Variants in FAIM observed in about 807,000 individuals in gnomAD.
FAIM encodes Fas apoptotic inhibitory molecule, also known as fas apoptotic inhibitory molecule 1.
FAIM carries 14 observed loss-of-function variants against 21.2 expected under a neutral mutation model. The observed-to-expected ratio is 0.66, with a 90% CI of 0.44 to 1.03. The LOEUF is 1.03. Among genes scored for constraint, FAIM ranks in the 50% least tolerant of loss-of-function variants. FAIM has a pLI of 0.00. For synonymous variants in FAIM, 86 were observed against 80.4 expected (o/e 1.07, Z -0.37); for missense variants, 222 against 247.1 (o/e 0.90, Z 0.68).
Position 138,622,213 on chromosome 3 carries a change from T to A in FAIM, c.203T>A (p.Phe68Tyr), listed in dbSNP as rs529995422. Reference sequence around the variant, plus strand: ...GAAGAGATAAGAAAAGAGTGGATGTTCAAATTAGTGGGCAAAGAAACATTC... The same window carrying A: ...GAAGAGATAAGAAAAGAGTGGATGTACAAATTAGTGGGCAAAGAAACATTC... ...GKEEIRKEWM[F>Y]KLVGKETFYV... is the part of the protein sequence containing the mutation. Residue 68 changes from phenylalanine to tyrosine, a missense_variant, in exon 4 of 6, where the codon TTC becomes TAC. Coordinates refer to ENST00000360570, the MANE Select transcript of FAIM (RefSeq NM_001033031.2). 6.5e-5 allele frequency: 105 copies of A among 1,611,408 alleles called. 2 individuals carry two copies. The South Asian group carries it at 1.0e-3, about 16-fold the overall frequency.
intron 5 of FAIM, chr3:138,631,035 G>A (rs1244642672): frequency 1.3e-5 from 2 of 151,934 alleles, no homozygotes; most frequent in Non-Finnish European, 2.9e-5. Flanking sequence ...TACTCAGGAG[G>A]CTGAGGTGGA....
Position 138,621,201 on chromosome 3 carries a change from C to T in FAIM, c.45-206C>T. On this transcript the variant is annotated intron_variant, in intron 2 of 5. Transcript: ENST00000360570. ...TTTTAGAAGTAATCGGACTATGTAC[C>T]CATATATAGTAGTTGTATCTTAAAG... 5.4e-6 allele frequency: 3 copies of T among 553,310 alleles called. No homozygotes were observed. The South Asian group carries it at 6.6e-5, about 12-fold the overall frequency. The allele number at this position is 553,310 out of a possible 1,614,324, so 34.3% of individuals were successfully genotyped here. A position where few individuals can be genotyped will look rare whatever the true frequency, so the allele number is the denominator to read the frequency against.
intron 4 of FAIM, among the ~76,000 whole-genome samples, chr3:138,626,066 C>T (rs2042936066): frequency 6.6e-6 from 1 of 152,158 alleles, no homozygotes; most frequent in Non-Finnish European, 1.5e-5. Context: ...AAAAGTTTCT[C>T]TTTGATAGCA....
At chr3:138,624,675 A>G (rs555125574) in intron 4 of FAIM, among the ~76,000 whole-genome samples, 1 of 152,194 alleles carries the variant, frequency 6.6e-6, no homozygotes, top group African/African-American at 2.4e-5. Flanking sequence ...CATTTTACAG[A>G]TTAGTTATGA....
intron 1 of FAIM, among the ~76,000 whole-genome samples, chr3:138,616,126 C>T (rs960645462): frequency 1.3e-5 from 2 of 152,076 alleles, no homozygotes; most frequent in Admixed American, 6.6e-5. Flanking sequence ...TACTGATTTC[C>T]CCGTAATGAA....
intron 4 of FAIM, 45 bp downstream of exon 4, chr3:138,622,461 A>G: frequency 8.2e-7 from 1 of 1,216,646 alleles, no homozygotes; most frequent in Middle Eastern, 2.2e-4. Context: ...TTTTTTTATA[A>G]TGTCTGTTTA....
chr3:138,609,533 A>ACACTCTCT (rs1285258999), intron 1 of FAIM, among the ~76,000 whole-genome samples: 1 of 3,368 alleles, frequency 3.0e-4, no homozygotes, highest in East Asian at 0.011. Flanking sequence ...AAGTGCTGAA[A>ACACTCTCT]CTCTCTCTCT....
chr3:138,621,969 A>G (rs1385524139), intron 3 of FAIM, among the ~76,000 whole-genome samples: 1 of 151,988 alleles, frequency 6.6e-6, no homozygotes, highest in Non-Finnish European at 1.5e-5. Context: ...TTTTTAGTAG[A>G]GACGGGGTTT....
intron 1 of FAIM, among the ~76,000 whole-genome samples, chr3:138,615,042 T>C (rs1174247687): frequency 6.6e-6 from 1 of 152,212 alleles, no homozygotes; most frequent in Non-Finnish European, 1.5e-5. Context: ...TGAAAATGGA[T>C]TTAGTACACC....
intron 2 of FAIM, among the ~76,000 whole-genome samples, chr3:138,620,968 T>C (rs2042878461): frequency 6.6e-6 from 1 of 152,222 alleles, no homozygotes; most frequent in Non-Finnish European, 1.5e-5. Context: ...AGTTTAAGTA[T>C]GGGAGGTTTG....
In FAIM at chr3:138,621,485, C is replaced by T. The variant is rs148507350; in HGVS notation, c.123C>T (p.Ile41=). The stretch of plus-strand genomic sequence containing the variant: ...CTTTAAGTGACGGAGTCCACAAGAT[C>T]GAATTTGAACATGGGACTACATCAG... The part of the protein sequence containing the change: ...DVALSDGVHK[I]EFEHGTTSGK... The change falls in exon 3 of 6, where the codon ATC becomes ATT. Residue 41 remains isoleucine (I), a synonymous_variant. Coordinates refer to ENST00000360570, the MANE Select transcript of FAIM (RefSeq NM_001033031.2). 4 of 1,613,590 alleles carry T rather than the reference C, an allele frequency of 2.5e-6. No individual in the cohort carries two copies. The highest frequency in any genetic ancestry group is 3.4e-6 in the Non-Finnish European group (4 of 1,179,840).
chr3:138,630,903 T>G (rs999456975), intron 5 of FAIM: 3 of 152,206 alleles, frequency 2.0e-5, no homozygotes, highest in African/African-American at 7.2e-5. Flanking sequence ...TTTGGGAGGC[T>G]GAGGCGGGCA....
At chr3:138,616,963 C>T (rs1397940548) in intron 1 of FAIM, among the ~76,000 whole-genome samples, 1 of 152,088 alleles carries the variant, frequency 6.6e-6, no homozygotes, top group Non-Finnish European at 1.5e-5. Flanking sequence ...TAATCCTCTC[C>T]TGTCATGTAC....
At chr3:138,613,914 GTT>G (rs1481117661) in intron 1 of FAIM, among the ~76,000 whole-genome samples, 3 of 152,158 alleles carry the variant, frequency 2.0e-5, no homozygotes, top group African/African-American at 7.2e-5. Context: ...TCTTCTAAGA[GTT>G]TTGTGGTTTT....
intron 5 of FAIM, chr3:138,630,105 C>T (rs942371261): frequency 1.3e-5 from 2 of 152,178 alleles, no homozygotes; most frequent in African/African-American, 4.8e-5. Context: ...ATGTGAACAT[C>T]AGGGCTAGAG....
Position 138,628,771 on chromosome 3 carries a change from CCG to C in FAIM, c.407-332_407-331del, listed in dbSNP as rs1209438995. On this transcript the variant is annotated intron_variant, in intron 4 of 5. Coordinates refer to ENST00000360570, the MANE Select transcript of FAIM (RefSeq NM_001033031.2). ...GTGCTGGGATTACAGGCGTGAGCCA[CCG>C]CGCCCGGCCTGTATGCATCCTTCTT... is the stretch of plus-strand genomic sequence containing the variant. Among the ~76,000 whole-genome samples, 38 of 152,314 alleles carry C rather than the reference CCG, an allele frequency of 2.5e-4. No individual in the cohort carries two copies. In the East Asian group the frequency reaches 6.2e-3, roughly 25 times the overall value.
At chr3:138,611,287 T>C (rs2042765899) in intron 1 of FAIM, among the ~76,000 whole-genome samples, 1 of 152,042 alleles carries the variant, frequency 6.6e-6, no homozygotes, top group African/African-American at 2.4e-5. Flanking sequence ...TTTGTTTTTT[T>C]TTTTAACAAC....
At chr3:138,619,280 A>G (rs1016563638) in intron 1 of FAIM, among the ~76,000 whole-genome samples, 3 of 152,220 alleles carry the variant, frequency 2.0e-5, no homozygotes, top group African/African-American at 7.2e-5. Context: ...TGATGCTCCC[A>G]GAAGATACAT....
At chr3:138,623,051 A>G (rs1264988085) in intron 4 of FAIM, among the ~76,000 whole-genome samples, 3 of 152,118 alleles carry the variant, frequency 2.0e-5, no homozygotes, top group Non-Finnish European at 2.9e-5. Context: ...AAAAAAAAAA[A>G]AAGTAATATT....
Sources: gnomAD v4.1 joint callset for allele counts (sites outside exome capture counted in the v4.1 genomes callset) on GRCh38, gnomAD v4.1.1 for gene constraint, MANE v1.5 for transcripts, NCBI Gene and HGNC (gene_info 2026-07-23, HGNC 2026-07-21) for gene names.